DIAPH2: variants seen among roughly 807,000 people sequenced by gnomAD.
DIAPH2 encodes the protein protein diaphanous homolog 2.
Under a neutral mutation model 92.7 loss-of-function variants are expected in DIAPH2, and 35 were observed. The ratio of observed to expected loss-of-function variants is 0.38; its 90% CI spans 0.29 to 0.50. The LOEUF (loss-of-function observed/expected upper bound fraction) is 0.50, where lower values mean the gene tolerates loss of function less well. Ranked by LOEUF, DIAPH2 falls within the 20% of genes least tolerant of loss-of-function variation. The pLI is 0.94. For synonymous variants in DIAPH2, 301 were observed against 280.4 expected, an observed-to-expected ratio of 1.07 and a Z score of -0.73; for missense variants, 701 against 819.5, an observed-to-expected ratio of 0.86 and a Z score of 1.77.
chrX:96,902,833 T>C (rs935961003), intron 5 of DIAPH2, among the ~76,000 whole-genome samples: 1 of 111,665 alleles, frequency 9.0e-6, no homozygotes, highest in African/African-American at 3.3e-5. Context: ...GCAGTACCTG[T>C]TACAGATAAC....
At chrX:96,829,107 C>G in intron 4 of DIAPH2, among the ~76,000 whole-genome samples, 1 of 111,862 alleles carries the variant, frequency 8.9e-6, no homozygotes, top group South Asian at 3.7e-4. Context: ...TCAAAGAAAC[C>G]TTTCCTAACT....
intron 1 of DIAPH2, among the ~76,000 whole-genome samples, chrX:96,716,826 A>T (rs1309214021): frequency 1.8e-5 from 2 of 111,624 alleles, no homozygotes; most frequent in African/African-American, 3.3e-5. Flanking sequence ...TTGATATTTC[A>T]TGATTTAAAT....
chrX:97,508,933 A>G (rs988991282), intron 26 of DIAPH2, among the ~76,000 whole-genome samples: 1 of 109,293 alleles, frequency 9.1e-6, no homozygotes, highest in Admixed American at 9.8e-5. Context: ...ATTCATAGCT[A>G]GGACCCCTTA....
intron 4 of DIAPH2, among the ~76,000 whole-genome samples, chrX:96,806,660 A>AAAAAAAAAAAAAAAAC (rs2064628043): frequency 9.5e-6 from 1 of 104,967 alleles, no homozygotes; most frequent in South Asian, 4.0e-4. Context: ...AAAAAAAAAA[A>AAAAAAAAAAAAAAAAC]AAAAGAAACA....
At chrX:97,497,259 C>T (rs2070765358) in intron 26 of DIAPH2, among the ~76,000 whole-genome samples, 2 of 110,861 alleles carry the variant, frequency 1.8e-5, no homozygotes, top group Admixed American at 1.9e-4. Flanking sequence ...TGCAGAAAAT[C>T]TGTGCTATAT....
intron 23 of DIAPH2, among the ~76,000 whole-genome samples, chrX:97,280,908 T>C (rs2068491593): frequency 8.9e-6 from 1 of 112,114 alleles, no homozygotes; most frequent in Admixed American, 9.6e-5. Context: ...CCACCAGATC[T>C]TTTTGTATAG....
At chrX:97,232,982 AATT>A (rs1228202279) in intron 22 of DIAPH2, among the ~76,000 whole-genome samples, 1 of 112,109 alleles carries the variant, frequency 8.9e-6, no homozygotes, top group Non-Finnish European at 1.9e-5. Flanking sequence ...CCTGTTTACA[AATT>A]ATTTTCTTCC....
At chrX:96,768,576 C>A (rs1370889295) in intron 4 of DIAPH2, among the ~76,000 whole-genome samples, 1 of 111,663 alleles carries the variant, frequency 9.0e-6, no homozygotes, top group Non-Finnish European at 1.9e-5. Context: ...TTAGAGAAAG[C>A]AGAGAGTGAT....
At chrX:96,700,483 G>T (rs2063849198) in intron 1 of DIAPH2, among the ~76,000 whole-genome samples, 1 of 112,279 alleles carries the variant, frequency 8.9e-6, no homozygotes, top group Non-Finnish European at 1.9e-5. Flanking sequence ...TGCAGATGCA[G>T]ATGCAGATGA....
At chrX:96,824,545 G>C (rs1171647359) in intron 4 of DIAPH2, among the ~76,000 whole-genome samples, 1 of 110,994 alleles carries the variant, frequency 9.0e-6, no homozygotes, top group Non-Finnish European at 1.9e-5. Flanking sequence ...TTCAGAAAGA[G>C]ATGATAACAT....
At chrX:96,838,844 A>G (rs941377800) in intron 4 of DIAPH2, among the ~76,000 whole-genome samples, 1 of 112,231 alleles carries the variant, frequency 8.9e-6, no homozygotes, top group African/African-American at 3.2e-5. Flanking sequence ...GCCTAGAGGC[A>G]TGTTTCTAGT....
intron 20 of DIAPH2, among the ~76,000 whole-genome samples, chrX:97,113,198 AATC>A (rs1380371454): frequency 9.0e-6 from 1 of 111,436 alleles, no homozygotes; most frequent in Admixed American, 9.5e-5. Flanking sequence ...TAATCACTGT[AATC>A]ATAAGAGTTT....
intron 17 of DIAPH2, among the ~76,000 whole-genome samples, chrX:96,988,411 G>A (rs1000172315): frequency 9.1e-6 from 1 of 109,959 alleles, no homozygotes; most frequent in African/African-American, 3.3e-5. Context: ...ACTTGTTGAC[G>A]GATTGGATGC....
chrX:96,909,324 A>T (rs1033786434), intron 5 of DIAPH2, among the ~76,000 whole-genome samples: 1 of 110,411 alleles, frequency 9.1e-6, no homozygotes, highest in Admixed American at 9.6e-5. Context: ...TCCTCATTTC[A>T]TGACCACTTT....
chrX:97,393,056 A>G (rs2069674559), intron 25 of DIAPH2, among the ~76,000 whole-genome samples: 1 of 111,071 alleles, frequency 9.0e-6, no homozygotes, highest in Non-Finnish European at 1.9e-5. Flanking sequence ...AGCTAAGGTC[A>G]TTATGGGAAT....
intron 17 of DIAPH2, among the ~76,000 whole-genome samples, chrX:97,063,635 T>A (rs1384927288): frequency 5.4e-5 from 6 of 112,087 alleles, no homozygotes; most frequent in African/African-American, 1.9e-4. Context: ...GGAGTATAAA[T>A]GTGTTTGATT....
At chrX:97,361,448 A>C (rs12832872) in intron 24 of DIAPH2, among the ~76,000 whole-genome samples, 44,116 of 110,390 alleles carry the variant, frequency 0.4, 7,789 homozygotes, top group Non-Finnish European at 0.55. Context: ...AATTGATTTA[A>C]CTCTGCTTTT....
chrX:96,869,556 C>CTA (rs2065125524), intron 4 of DIAPH2, among the ~76,000 whole-genome samples: 1 of 84,626 alleles, frequency 1.2e-5, no homozygotes, highest in African/African-American at 5.6e-5. Context: ...GCTACTACTA[C>CTA]CACTACTACT....
intron 3 of DIAPH2, among the ~76,000 whole-genome samples, chrX:96,746,594 A>G (rs1400525725): frequency 9.1e-6 from 1 of 109,735 alleles, no homozygotes; most frequent in Non-Finnish European, 1.9e-5. Flanking sequence ...TGCTGTGTCC[A>G]TTAGGCTGTA....
Sources: allele counts gnomAD v4.1 joint callset (sites outside exome capture counted in the v4.1 genomes callset), GRCh38; gene constraint gnomAD v4.1.1; transcripts MANE v1.5; gene names NCBI Gene and HGNC (gene_info 2026-07-23, HGNC 2026-07-21).